Variants in SPTBN1 observed in about 807,000 individuals in gnomAD.
The protein encoded by SPTBN1 is spectrin beta chain, non-erythrocytic 1.
SPTBN1 carries 32 observed loss-of-function variants against 266.4 expected under a neutral mutation model. That is an observed-to-expected ratio of 0.12 (90% confidence interval 0.09 to 0.16). SPTBN1 has a LOEUF of 0.16. Among genes scored for constraint, SPTBN1 ranks in the 10% least tolerant of loss-of-function variants. SPTBN1 has a pLI of 1.00. For synonymous variants in SPTBN1, 1,336 were observed against 1,162.2 expected (o/e 1.15, Z -3.04); for missense variants, 2,296 against 3,067.1 (o/e 0.75, Z 5.94).
intron 3 of SPTBN1, among the ~76,000 whole-genome samples, chr2:54,611,474 C>A (rs62134705): frequency 0.13 from 19,724 of 151,388 alleles, 1,344 homozygotes; most frequent in Middle Eastern, 0.22. Context: ...TACTCTCTCT[C>A]TATATATATA....
chr2:54,559,644 TCCCTGCCCAGCCAGCAGG>T (rs1673144863), intron 2 of SPTBN1, among the ~76,000 whole-genome samples: 4 of 152,118 alleles, frequency 2.6e-5, no homozygotes, highest in African/African-American at 9.7e-5. Flanking sequence ...CCCTCAGCTG[TCCCTGCCCAGCCAGCAGG>T]CCCTGGCCAG....
intron 35 of SPTBN1, among the ~76,000 whole-genome samples, chr2:54,668,037 C>A (rs116292828): frequency 3.3e-5 from 5 of 152,174 alleles, no homozygotes; most frequent in Non-Finnish European, 7.3e-5. Context: ...AAAACAACAC[C>A]TGTAATGCTT....
intron 19 of SPTBN1, 59 bp downstream of exon 19, chr2:54,643,188 C>T: frequency 6.3e-7 from 1 of 1,599,628 alleles, no homozygotes; most frequent in Non-Finnish European, 8.5e-7. Context: ...GTAATAAACT[C>T]CTTTTTATTT....
chr2:54,620,493 G>A (rs1677922534), intron 7 of SPTBN1, among the ~76,000 whole-genome samples: 2 of 152,280 alleles, frequency 1.3e-5, no homozygotes, highest in South Asian at 4.1e-4. Flanking sequence ...GTTTGATTCA[G>A]AGATACAGTG....
In SPTBN1 at chr2:54,592,556, G is replaced by T. The variant is rs1023922372; in HGVS notation, c.149-6536G>T. Among the ~76,000 whole-genome samples the T allele has an allele frequency of 3.9e-5, 6 of 151,958 alleles. No individual in the cohort carries two copies. In the South Asian group the frequency reaches 1.0e-3, roughly 26 times the overall value. ...TGCGCCACCACGCCTGGCTAATTTT[G>T]TGTTTTTAGTAGAGATGGGGGTTTC... On this transcript the variant is annotated intron_variant, in intron 2 of 35. Transcript: ENST00000356805.
intron 2 of SPTBN1, among the ~76,000 whole-genome samples, chr2:54,547,036 A>G (rs763439618): frequency 7.2e-5 from 11 of 151,874 alleles, no homozygotes; most frequent in Non-Finnish European, 1.2e-4. Context: ...AGAGTTAACT[A>G]TGTTCATATT....
intron 1 of SPTBN1, among the ~76,000 whole-genome samples, chr2:54,477,910 CA>C (rs113228950): frequency 2.6e-4 from 36 of 139,686 alleles, no homozygotes; most frequent in Non-Finnish European, 2.5e-4. Flanking sequence ...GAGTCCATCT[CA>C]AAAAAAAAAA....
intron 2 of SPTBN1, among the ~76,000 whole-genome samples, chr2:54,529,053 A>G (rs1179814276): frequency 6.6e-6 from 1 of 152,234 alleles, no homozygotes; most frequent in African/African-American, 2.4e-5. Context: ...TTACAGAACA[A>G]TTCAGTAGTG....
chr2:54,623,335 G>A, intron 9 of SPTBN1, 144 bp from the exon 10 acceptor site: 1 of 684,852 alleles, frequency 1.5e-6, no homozygotes. Context: ...TTCAAGGTTT[G>A]TAATAGCCAA....
In SPTBN1 at chr2:54,566,042, C is replaced by T. The variant is rs919269216; in HGVS notation, c.149-33050C>T. Among the ~76,000 whole-genome samples, 7 of 152,140 alleles carry T rather than the reference C, an allele frequency of 4.6e-5. No homozygotes were observed. In the East Asian group the frequency reaches 1.3e-3, roughly 29 times the overall value. On this transcript the variant is annotated intron_variant, in intron 2 of 35. Coordinates refer to ENST00000356805, the MANE Select transcript of SPTBN1 (RefSeq NM_003128.3). ...CCACCTCTTGTGCACATAATCAAAA[C>T]AGACCAGGTGGGGTTTAGCCACTTG...
chr2:54,594,833 CTTTTT>C (rs71408777), intron 2 of SPTBN1, among the ~76,000 whole-genome samples: 2 of 104,716 alleles, frequency 1.9e-5, no homozygotes, highest in Non-Finnish European at 1.7e-5. Flanking sequence ...TGGTAAGTTT[CTTTTT>C]TTTTTTTTTT....
intron 1 of SPTBN1, among the ~76,000 whole-genome samples, chr2:54,514,394 TG>T (rs1670007359): frequency 6.6e-6 from 1 of 152,200 alleles, no homozygotes; most frequent in African/African-American, 2.4e-5. Flanking sequence ...TGGTTGAATT[TG>T]CCCATTAAGA....
intron 2 of SPTBN1, among the ~76,000 whole-genome samples, chr2:54,549,665 G>A (rs1450776629): frequency 1.3e-5 from 2 of 152,190 alleles, no homozygotes; most frequent in East Asian, 1.9e-4. Context: ...TGTGCTGGAC[G>A]ACGGAGGCTG....
intron 2 of SPTBN1, among the ~76,000 whole-genome samples, chr2:54,586,963 A>G (rs1675335891): frequency 6.6e-6 from 1 of 152,112 alleles, no homozygotes; most frequent in Admixed American, 6.6e-5. Context: ...CTTTGCCCTT[A>G]ATTATTTTGG....
At chr2:54,598,843 A>G (rs532270470) in intron 2 of SPTBN1, among the ~76,000 whole-genome samples, 1 of 152,332 alleles carries the variant, frequency 6.6e-6, no homozygotes, top group African/African-American at 2.4e-5. Context: ...TCCTACACAG[A>G]TGCTCCTTGA....
intron 1 of SPTBN1, among the ~76,000 whole-genome samples, chr2:54,507,112 G>A (rs4671944): frequency 0.35 from 53,432 of 151,784 alleles, 9,869 homozygotes; most frequent in East Asian, 0.45. Context: ...TCTTAAGGGT[G>A]GTGGAGATTA....
chr2:54,575,707 C>T (rs1043102200), intron 2 of SPTBN1, among the ~76,000 whole-genome samples: 1 of 152,226 alleles, frequency 6.6e-6, no homozygotes, highest in Non-Finnish European at 1.5e-5. Flanking sequence ...TGCAGCTGAA[C>T]ATCTGTTATG....
At chr2:54,585,455 G>A (rs1675228715) in intron 2 of SPTBN1, among the ~76,000 whole-genome samples, 1 of 151,992 alleles carries the variant, frequency 6.6e-6, no homozygotes, top group African/African-American at 2.4e-5. Flanking sequence ...ATGTACATTG[G>A]GTACTTACAG....
intron 2 of SPTBN1, among the ~76,000 whole-genome samples, chr2:54,596,131 C>T (rs1037569694): frequency 1.3e-5 from 2 of 152,198 alleles, no homozygotes; most frequent in African/African-American, 4.8e-5. Flanking sequence ...GCCCCAGTCA[C>T]AGCAGCTTGA....
Sources: allele counts gnomAD v4.1 joint callset (sites outside exome capture counted in the v4.1 genomes callset), GRCh38; gene constraint gnomAD v4.1.1; transcripts MANE v1.5; gene names NCBI Gene and HGNC (gene_info 2026-07-23, HGNC 2026-07-21).